Variants in C8orf88 observed in about 807,000 individuals in gnomAD.
The protein encoded by C8orf88 is uncharacterized protein C8orf88.
A neutral mutation model predicts 18.4 loss-of-function variants in C8orf88; 14 were observed. That is an observed-to-expected ratio of 0.76 (90% CI 0.50 to 1.19). C8orf88 has a LOEUF of 1.19. Among genes scored for constraint, C8orf88 ranks in the 50% most tolerant of loss-of-function variants. C8orf88 has a pLI of 0.00. For missense variants in C8orf88, 116 were observed against 134.7 expected, an observed-to-expected ratio of 0.86 and a Z score of 0.69; for synonymous variants, 45 against 42.9, an observed-to-expected ratio of 1.05 and a Z score of -0.19.
chr8:90,960,174 GTATT>G (rs1347367157), intron 5 of C8orf88, among the ~76,000 whole-genome samples: 2 of 151,344 alleles, frequency 1.3e-5, no homozygotes, highest in Admixed American at 1.3e-4. Flanking sequence ...TTTATTATGT[GTATT>G]TATTTAGATG....
At chr8:90,977,766 ACC>A (rs768744846) in intron 3 of C8orf88, among the ~76,000 whole-genome samples, 20 of 151,938 alleles carry the variant, frequency 1.3e-4, no homozygotes, top group Non-Finnish European at 2.1e-4. Context: ...ATATGGTGAA[ACC>A]CCATCTGTAC....
At chr8:90,984,006 TAA>T (rs903877781) in intron 1 of C8orf88, among the ~76,000 whole-genome samples, 4 of 152,168 alleles carry the variant, frequency 2.6e-5, no homozygotes, top group African/African-American at 9.7e-5. Context: ...CTTAGAATAC[TAA>T]ATAAATTAGG....
Position 90,960,740 on chromosome 8 carries a change from A to T in C8orf88, c.330+2T>A. 1 of 1,503,174 alleles carries T rather than the reference A, an allele frequency of 6.7e-7. No homozygotes were observed. The highest frequency in any genetic ancestry group is 8.9e-7 in the Non-Finnish European group (1 of 1,123,220). The allele number at this position is 1,503,174 out of a possible 1,614,324, so 93.1% of individuals were successfully genotyped here. A position where few individuals can be genotyped will look rare whatever the true frequency, so the allele number is the denominator to read the frequency against. Reference sequence around the variant, plus strand: ...ACAATACAAACTTAGAAAACTACTTACTGGTTTTTGCAGTACAATGGGATG... The same window carrying T: ...ACAATACAAACTTAGAAAACTACTTTCTGGTTTTTGCAGTACAATGGGATG... On this transcript the variant is annotated splice_donor_variant, in intron 5 of 5. Coordinates refer to ENST00000517562, the MANE Select transcript of C8orf88 (RefSeq NM_001190972.2). LOFTEE classifies it high-confidence loss of function.
intron 5 of C8orf88, 41 bp downstream of exon 5, chr8:90,960,701 T>C (rs1811112979): frequency 3.5e-6 from 4 of 1,130,954 alleles, no homozygotes; most frequent in African/African-American, 1.6e-5. Flanking sequence ...AAAAATATTT[T>C]GTAATATAAT....
intron 4 of C8orf88, among the ~76,000 whole-genome samples, chr8:90,968,537 C>CAAATCTA (rs778404315): frequency 2.0e-5 from 3 of 150,504 alleles, no homozygotes; most frequent in Non-Finnish European, 3.0e-5. Flanking sequence ...TTAGATATGA[C>CAAATCTA]ACCAAAAACA....
At chr8:90,981,644 C>T (rs1227398100) in intron 1 of C8orf88, among the ~76,000 whole-genome samples, 1 of 152,080 alleles carries the variant, frequency 6.6e-6, no homozygotes, top group Non-Finnish European at 1.5e-5. Context: ...AAATATATTA[C>T]ATGTCTACTT....
chr8:90,966,516 A>T (rs1811201299), intron 4 of C8orf88, among the ~76,000 whole-genome samples: 1 of 148,178 alleles, frequency 6.7e-6, no homozygotes, highest in African/African-American at 2.4e-5. Context: ...TAATAATAAT[A>T]ATAATAAAGA....
chr8:90,981,656 T>C (rs1265780976), intron 1 of C8orf88, among the ~76,000 whole-genome samples: 3 of 152,202 alleles, frequency 2.0e-5, no homozygotes, highest in African/African-American at 4.8e-5. Context: ...TGTCTACTTA[T>C]TGGACTATCA....
In C8orf88 at chr8:90,978,656, T is replaced by C. The variant is rs754849210; in HGVS notation, c.74-4A>G. 4 of 1,504,662 alleles carry C rather than the reference T, an allele frequency of 2.7e-6. No homozygotes were observed. Among genetic ancestry groups the C allele is most frequent in the South Asian group, 1.3e-5 (1 of 79,446 alleles). 93.2% of individuals were successfully genotyped at this position (1,504,662 alleles called of 1,614,324 possible). A position where few individuals can be genotyped will look rare whatever the true frequency, so the allele number is the denominator to read the frequency against. Reference sequence around the variant, plus strand: ...AAGTTGAAAGGGAACACTGCTCCTGTTAGGAGAGGAAGAAAACAATTTCAT... The same window carrying C: ...AAGTTGAAAGGGAACACTGCTCCTGCTAGGAGAGGAAGAAAACAATTTCAT... On this transcript the variant is annotated splice_region_variant and splice_polypyrimidine_tract_variant and intron_variant, in intron 2 of 5. Transcript: ENST00000517562.
Position 90,960,758 on chromosome 8 carries a change from A to G in C8orf88, c.314T>C (p.Ile105Thr), listed in dbSNP as rs1321768115. 5.2e-6 allele frequency: 8 copies of G among 1,529,488 alleles called. No homozygotes were observed. Among genetic ancestry groups the G allele is most frequent in the Non-Finnish European group, 8.8e-7 (1 of 1,142,064 alleles). The allele number at this position is 1,529,488 out of a possible 1,614,324, so 94.7% of individuals were successfully genotyped here. A position where few individuals can be genotyped will look rare whatever the true frequency, so the allele number is the denominator to read the frequency against. Reference protein sequence around the residue: ...KKPDFLPDHPIVLQKPENNQS... With the variant: ...KKPDFLPDHPTVLQKPENNQS... ...ACTACTTACTGGTTTTTGCAGTACA[A>G]TGGGATGATCAGGCAGAAAGTCTGG... The change falls in exon 5 of 6, where the codon ATT becomes ACT. Residue 105 changes from isoleucine to threonine, a missense_variant. Transcript: ENST00000517562.
At chr8:90,959,942 C>T (rs1272465697) in intron 5 of C8orf88, among the ~76,000 whole-genome samples, 1 of 151,388 alleles carries the variant, frequency 6.6e-6, no homozygotes, top group Non-Finnish European at 1.5e-5. Context: ...AGGTATCATA[C>T]TCAGTAATCT....
At chr8:90,984,062 T>C (rs1318921824) in intron 1 of C8orf88, among the ~76,000 whole-genome samples, 1 of 152,204 alleles carries the variant, frequency 6.6e-6, no homozygotes, top group Non-Finnish European at 1.5e-5. Context: ...TATACTGCCA[T>C]ACTAACCATA....
At chr8:90,961,112 G>A (rs1811121071) in intron 4 of C8orf88, among the ~76,000 whole-genome samples, 1 of 151,274 alleles carries the variant, frequency 6.6e-6, no homozygotes, top group Admixed American at 6.6e-5. Context: ...TTTTTCATCT[G>A]GTTATTCAGG....
intron 3 of C8orf88, among the ~76,000 whole-genome samples, chr8:90,972,855 T>A (rs1811302600): frequency 6.6e-6 from 1 of 152,178 alleles, no homozygotes; most frequent in South Asian, 2.1e-4. Context: ...CTGTATATTT[T>A]CTAGCAGAGA....
intron 3 of C8orf88, among the ~76,000 whole-genome samples, chr8:90,977,051 A>G (rs1365402297): frequency 6.6e-6 from 1 of 152,192 alleles, no homozygotes; most frequent in Non-Finnish European, 1.5e-5. Flanking sequence ...AAGAAAAATA[A>G]TTAGAATCCA....
chr8:90,960,017 A>G (rs1159867725), intron 5 of C8orf88, among the ~76,000 whole-genome samples: 1 of 150,490 alleles, frequency 6.6e-6, no homozygotes, highest in Non-Finnish European at 1.5e-5. Context: ...TGCAAAACTT[A>G]TCATCCTTAT....
In C8orf88 at chr8:90,962,846, C is replaced by T. The variant is rs117693108; in HGVS notation, c.224-1998G>A. ...CAGGAAAATGTATCAGTTGCTTCCA[C>T]CTGAGACAAGGGATAACAATTGGAG... is the stretch of plus-strand genomic sequence containing the variant. On this transcript the variant is annotated intron_variant, in intron 4 of 5. Coordinates refer to ENST00000517562, the MANE Select transcript of C8orf88 (RefSeq NM_001190972.2). Among the ~76,000 whole-genome samples, 960 of 151,714 alleles carry T rather than the reference C, an allele frequency of 6.3e-3. 4 individuals carry two copies. Among genetic ancestry groups the T allele is most frequent in the Non-Finnish European group, 0.01 (706 of 67,748 alleles).
intron 4 of C8orf88, among the ~76,000 whole-genome samples, chr8:90,961,230 A>G (rs1811122405): frequency 6.6e-6 from 1 of 151,434 alleles, no homozygotes; most frequent in African/African-American, 2.4e-5. Context: ...AATCAATACT[A>G]AAAACTTAAC....
At chr8:90,984,923 A>G (rs1811483117) in intron 1 of C8orf88, among the ~76,000 whole-genome samples, 191 bp downstream of exon 1, 1 of 151,858 alleles carries the variant, frequency 6.6e-6, no homozygotes, top group African/African-American at 2.4e-5. Context: ...TCTCGCTCCC[A>G]TCCCACTCCC....
Sources: gnomAD v4.1 joint callset for allele counts (sites outside exome capture counted in the v4.1 genomes callset) on GRCh38, gnomAD v4.1.1 for gene constraint, MANE v1.5 for transcripts, NCBI Gene and HGNC (gene_info 2026-07-23, HGNC 2026-07-21) for gene names.